Variants in GAS7 observed in about 807,000 individuals in gnomAD.
GAS7 encodes growth arrest-specific protein 7.
Under a neutral mutation model 71.1 loss-of-function variants are expected in GAS7, and 28 were observed. That is an observed-to-expected ratio of 0.39 (90% CI 0.29 to 0.54). GAS7 has a LOEUF of 0.54. GAS7 is among the 20% of genes least tolerant of loss of function. The pLI, the probability that GAS7 is intolerant of heterozygous loss-of-function variation, is 0.62. For missense variants in GAS7, 436 were observed against 627.8 expected, an observed-to-expected ratio of 0.69 and a Z score of 3.27; for synonymous variants, 258 against 245.8, an observed-to-expected ratio of 1.05 and a Z score of -0.46.
chr17:9,923,063 C>G (rs2067874827), intron 11 of GAS7, among the ~76,000 whole-genome samples: 1 of 152,282 alleles, frequency 6.6e-6, no homozygotes. Context: ...CACACACCAC[C>G]ACACCCAGCT....
chr17:10,025,929 C>A (rs1470888137), intron 1 of GAS7, among the ~76,000 whole-genome samples: 2 of 152,188 alleles, frequency 1.3e-5, no homozygotes, highest in Non-Finnish European at 2.9e-5. Flanking sequence ...TGCACAGTGA[C>A]TTATTAAAGA....
chr17:9,973,645 G>T (rs1268987234), intron 3 of GAS7, among the ~76,000 whole-genome samples: 1 of 152,094 alleles, frequency 6.6e-6, no homozygotes. Context: ...TTATCAAAAG[G>T]GTTTCAAGAG....
chr17:10,070,398 C>CT (rs1392427527), intron 1 of GAS7, among the ~76,000 whole-genome samples: 1 of 134,880 alleles, frequency 7.4e-6, no homozygotes, highest in African/African-American at 2.8e-5. Flanking sequence ...GAGTCTCGCT[C>CT]TGTCACCCAG....
chr17:10,128,145 C>A (rs1254683851), intron 1 of GAS7, among the ~76,000 whole-genome samples: 1 of 152,230 alleles, frequency 6.6e-6, no homozygotes, highest in East Asian at 1.9e-4. Flanking sequence ...CCTCCCCAGC[C>A]CTCACCAGCA....
Position 10,036,463 on chromosome 17 carries a change from G to A in GAS7, c.184-16566C>T, listed in dbSNP as rs532541100. The A allele has an allele frequency of 2.5e-6, 4 of 1,613,534 alleles. No individual in the cohort carries two copies. The African/African-American group carries it at 4.0e-5, about 16-fold the overall frequency. On this transcript the variant is annotated intron_variant, in intron 1 of 13. Coordinates refer to ENST00000432992, the MANE Select transcript of GAS7 (RefSeq NM_201433.2). Reference sequence around the variant, plus strand: ...AGAGAACAGCTAACCTTCTCTGGGGGCTGCTACCTCAGAGGAGAGTCTTGG... The same window carrying A: ...AGAGAACAGCTAACCTTCTCTGGGGACTGCTACCTCAGAGGAGAGTCTTGG...
rs1187863667 is a variant in GAS7 at position 9,928,439 on chromosome 17, A to G, written c.886-1670T>C. ...GCCCAGCCCATAACATTTATAAGAA[A>G]ACAGATCAACGGGACCTGCTGTGGT... On this transcript the variant is annotated intron_variant, in intron 9 of 13. Coordinates refer to ENST00000432992, the MANE Select transcript of GAS7 (RefSeq NM_201433.2). Among the ~76,000 whole-genome samples, 4 of 152,028 alleles carry G rather than the reference A, an allele frequency of 2.6e-5. No individual in the cohort carries two copies. The East Asian group carries it at 7.8e-4, about 30-fold the overall frequency.
chr17:10,059,169 T>G (rs2073188489), intron 1 of GAS7, among the ~76,000 whole-genome samples: 1 of 152,206 alleles, frequency 6.6e-6, no homozygotes, highest in African/African-American at 2.4e-5. Flanking sequence ...TGGCAGAGCG[T>G]GTCACCTCTC....
chr17:10,059,672 G>A, intron 1 of GAS7: 1 of 983,948 alleles, frequency 1.0e-6, no homozygotes, highest in Non-Finnish European at 1.2e-6. Flanking sequence ...ATAACCAGCA[G>A]AGCCCTGGTT....
intron 1 of GAS7, among the ~76,000 whole-genome samples, chr17:10,106,926 G>A (rs1230682063): frequency 6.6e-6 from 1 of 152,140 alleles, no homozygotes; most frequent in Admixed American, 6.5e-5. Flanking sequence ...GGTTCTAAAT[G>A]CAATCACAGG....
At chr17:10,140,800 G>A (rs547717058) in intron 1 of GAS7, among the ~76,000 whole-genome samples, 7 of 152,338 alleles carry the variant, frequency 4.6e-5, no homozygotes, top group East Asian at 1.9e-4. Flanking sequence ...GTGGAAAGCC[G>A]TGGAGACTCA....
At chr17:10,098,331 C>T (rs57681524) in intron 1 of GAS7, among the ~76,000 whole-genome samples, 3,638 of 152,322 alleles carry the variant, frequency 0.024, 135 homozygotes, top group African/African-American at 0.081. Flanking sequence ...CCAGCCACAA[C>T]TCTCCACTCA....
At chr17:10,020,675 G>A (rs2152207466) in intron 1 of GAS7, among the ~76,000 whole-genome samples, 1 of 152,238 alleles carries the variant, frequency 6.6e-6, no homozygotes, top group East Asian at 1.9e-4. Context: ...ACTTTGGGAG[G>A]CCGAGGCGGG....
At chr17:10,076,853 G>A (rs1269940366) in intron 1 of GAS7, among the ~76,000 whole-genome samples, 1 of 32,638 alleles carries the variant, frequency 3.1e-5, no homozygotes, top group Non-Finnish European at 5.9e-5. Context: ...CACCAGAGCC[G>A]GAATCAAGCC....
chr17:10,127,769 C>T (rs562980726), intron 1 of GAS7, among the ~76,000 whole-genome samples: 89 of 152,330 alleles, frequency 5.8e-4, no homozygotes, highest in African/African-American at 1.8e-3. Context: ...AAGCTCCAAC[C>T]AGGCGAAGTG....
chr17:9,992,673 A>G (rs1320668427), intron 2 of GAS7, among the ~76,000 whole-genome samples: 1 of 151,728 alleles, frequency 6.6e-6, no homozygotes, highest in East Asian at 1.9e-4. Context: ...TTACATATGT[A>G]TACATGTGCC....
At position 10,026,649 on chromosome 17, in the gene GAS7, T is replaced by C. The variant is rs1460462800; in HGVS notation, c.184-6752A>G. ...CCTCAGGGAGTCAACCAATTACTAA[T>C]GGGGCTGCCAGAGCCCACCAGGAAG... On this transcript the variant is annotated intron_variant, in intron 1 of 13. Coordinates refer to ENST00000432992, the MANE Select transcript of GAS7 (RefSeq NM_201433.2). The surrounding 1 kb of genome is among the most constrained non-coding windows in gnomAD (Gnocchi z 4.5). 6.6e-6 allele frequency among the ~76,000 whole-genome samples: 1 copy of C among 152,112 alleles called. No individual in the cohort carries two copies. The highest frequency in any genetic ancestry group is 1.5e-5 in the Non-Finnish European group (1 of 68,010).
chr17:9,917,961 C>A (rs372193859), intron 13 of GAS7, 40 bp downstream of exon 13: 7 of 1,423,806 alleles, frequency 4.9e-6, no homozygotes, highest in African/African-American at 1.4e-5. Context: ...TCTCCCCAGG[C>A]CCCGTGTCGC....
chr17:9,947,560 C>A (rs2068835116), intron 5 of GAS7, among the ~76,000 whole-genome samples: 1 of 152,068 alleles, frequency 6.6e-6, no homozygotes, highest in Non-Finnish European at 1.5e-5. Flanking sequence ...GCCTGACCAA[C>A]AGGGAGAAAC....
chr17:10,043,618 A>G (rs1000979748), intron 1 of GAS7, among the ~76,000 whole-genome samples: 2 of 152,202 alleles, frequency 1.3e-5, no homozygotes, highest in South Asian at 2.1e-4. Flanking sequence ...ATAAAATGTT[A>G]AGAAAATCAT....
Sources: gnomAD v4.1 joint callset for allele counts (sites outside exome capture counted in the v4.1 genomes callset) on GRCh38, gnomAD v4.1.1 for gene constraint, Gnocchi (gnomAD v3.1) non-coding constraint, MANE v1.5 for transcripts, NCBI Gene and HGNC (gene_info 2026-07-23, HGNC 2026-07-21) for gene names.